TSPAN4: variants seen among roughly 807,000 people sequenced by gnomAD.
TSPAN4 encodes the protein tetraspanin 4.
TSPAN4 carries 38 observed loss-of-function variants against 31.5 expected under a neutral mutation model. The ratio of observed to expected loss-of-function variants is 1.21; its 90% CI spans 0.93 to 1.58. The LOEUF (loss-of-function observed/expected upper bound fraction) is 1.58, where lower values mean the gene tolerates loss of function less well. Ranked by LOEUF, TSPAN4 falls within the 40% of genes most tolerant of loss-of-function variation. The pLI, the probability that TSPAN4 is intolerant of heterozygous loss-of-function variation, is 0.00. For missense variants in TSPAN4, 330 were observed against 317.3 expected (o/e 1.04, Z -0.30); for synonymous variants, 186 against 144.6 (o/e 1.29, Z -2.06).
At chr11:851,382 A>C (rs1368823021) in intron 3 of TSPAN4, among the ~76,000 whole-genome samples, 1 of 152,158 alleles carries the variant, frequency 6.6e-6, no homozygotes, top group Non-Finnish European at 1.5e-5. Context: ...GCTCCTGCCT[A>C]GGCTCTGGGC....
chr11:861,386 G>A (rs1318403657), intron 3 of TSPAN4, among the ~76,000 whole-genome samples: 4 of 152,092 alleles, frequency 2.6e-5, no homozygotes, highest in Non-Finnish European at 5.9e-5. Context: ...AGGCCGAGAC[G>A]GGCTGATCAT....
chr11:865,024 C>T (rs532119830), intron 5 of TSPAN4: 62 of 183,070 alleles, frequency 3.4e-4, no homozygotes, highest in African/African-American at 1.4e-3. Context: ...GACGTGCCCC[C>T]ATCAACAGAC....
chr11:842,947 G>A, intron 1 of TSPAN4, 32 bp downstream of exon 1: 1 of 154,232 alleles, frequency 6.5e-6, no homozygotes, highest in East Asian at 1.9e-4. Context: ...GGGGCGTGCG[G>A]CCAGGGTCCC....
In TSPAN4 at chr11:865,805, C is replaced by T. The variant is rs758472143; in HGVS notation, c.544C>T (p.Pro182Ser). 1.1e-5 allele frequency: 17 copies of T among 1,612,350 alleles called. No individual in the cohort carries two copies. The African/African-American group carries it at 2.1e-4, about 20-fold the overall frequency. The part of the protein sequence containing the change: ...EFSESCGLHA[P>S]GTWWKAPCYE... The stretch of plus-strand genomic sequence containing the variant: ...CAGTGAGAGCTGTGGGCTGCACGCC[C>T]CCGGCACCTGGTGGAAGGCGGTGAG... The change falls in exon 7 of 9, where the codon CCC becomes TCC. Residue 182 changes from proline to serine, a missense_variant. By Grantham distance (74) the Pro-to-Ser change is moderately conservative (BLOSUM62 -1). Coordinates refer to ENST00000397397, the MANE Select transcript of TSPAN4 (RefSeq NM_003271.5).
intron 5 of TSPAN4, 66 bp from the exon 6 acceptor site, chr11:865,447 G>A (rs28423070): frequency 1 from 1,344,154 of 1,349,040 alleles, 669,784 homozygotes; most frequent in East Asian, 1. Context: ...GGGCCGGCGA[G>A]GGGGTCTGGA....
Position 865,587 on chromosome 11 carries a change from CA to C in TSPAN4, c.407del (p.Asn136ThrfsTer59). 1.9e-6 allele frequency: 3 copies of C among 1,612,932 alleles called. No individual in the cohort carries two copies. Among genetic ancestry groups the C allele is most frequent in the Non-Finnish European group, 2.5e-6 (3 of 1,179,900 alleles). ...GCACGCAGGGCAACGTGGGCCTCACCAACGCCTGGAGCATCATCCAGACCGA... is the reference window on the plus strand; with the variant it reads ...GCACGCAGGGCAACGTGGGCCTCACCACGCCTGGAGCATCATCCAGACCGA... ...YGTQGNVGLTNAWSIIQTDFR... is the reference protein window; with the variant it reads ...YGTQGNVGLTXAWSIIQTDFR... On this transcript the variant is annotated frameshift_variant, in exon 6 of 9. Coordinates refer to ENST00000397397, the MANE Select transcript of TSPAN4 (RefSeq NM_003271.5). LOFTEE classifies it high-confidence loss of function.
rs1342697486 is a variant in TSPAN4 at position 848,252 on chromosome 11, G to A, written c.-18+952G>A. Among the ~76,000 whole-genome samples the A allele has an allele frequency of 1.3e-5, 2 of 152,152 alleles. No individual in the cohort carries two copies. Among genetic ancestry groups the A allele is most frequent in the Non-Finnish European group, 2.9e-5 (2 of 68,010 alleles). ...GGTCTCTGCTGGGCCCCGATGCGTGGCCGCCGTTCTGACCCATTCCTGGGG... is the reference window on the plus strand; with the variant it reads ...GGTCTCTGCTGGGCCCCGATGCGTGACCGCCGTTCTGACCCATTCCTGGGG... On this transcript the variant is annotated intron_variant, in intron 2 of 8. Coordinates refer to ENST00000397397, the MANE Select transcript of TSPAN4 (RefSeq NM_003271.5). The surrounding 1 kb of genome is among the most constrained non-coding windows in gnomAD (Gnocchi z 5.7).
Position 866,906 on chromosome 11 carries a change from A to G in TSPAN4, c.*276A>G. The G allele has an allele frequency of 2.3e-6, 1 of 426,290 alleles. No individual in the cohort carries two copies. Among genetic ancestry groups the G allele is most frequent in the Non-Finnish European group, 4.2e-6 (1 of 235,390 alleles). 26.4% of individuals were successfully genotyped at this position (426,290 alleles called of 1,614,324 possible). ...CCTCCAGCACTTTTTATATTTACGT[A>G]TTCTCCAAAGCAGTGTTCACACGGG... On this transcript the variant is annotated 3_prime_UTR_variant, in exon 9 of 9. Transcript: ENST00000397397.
intron 3 of TSPAN4, among the ~76,000 whole-genome samples, chr11:853,140 G>A (rs1847850139): frequency 6.6e-6 from 1 of 152,094 alleles, no homozygotes. Flanking sequence ...TGGGAGTGGG[G>A]TCCCATGCCT....
At position 848,982 on chromosome 11, in the gene TSPAN4, C is replaced by A; in HGVS notation, c.-17-1306C>A. The A allele has an allele frequency of 1.6e-6, 1 of 644,202 alleles. No individual in the cohort carries two copies. The highest frequency in any genetic ancestry group is 2.9e-6 in the Non-Finnish European group (1 of 350,632). 39.9% of individuals were successfully genotyped at this position (644,202 alleles called of 1,614,324 possible). ...TGGGGTGGGGTCTTTTACAGGCTGA[C>A]TTCCAGCCTGGGCTGGAGCAAAATG... is the stretch of plus-strand genomic sequence containing the variant. On this transcript the variant is annotated intron_variant, in intron 2 of 8. Transcript: ENST00000397397. This position sits in a 1 kb window ranked among gnomAD's most constrained non-coding sequence, Gnocchi z 5.7.
chr11:843,362 T>C (rs1057446877), intron 1 of TSPAN4: 1 of 152,064 alleles, frequency 6.6e-6, no homozygotes, highest in African/African-American at 2.4e-5. Context: ...CTCTGCTGGC[T>C]GCTCGCCGTC....
At chr11:845,646 G>A (rs531135190) in intron 1 of TSPAN4, among the ~76,000 whole-genome samples, 2 of 152,126 alleles carry the variant, frequency 1.3e-5, no homozygotes, top group East Asian at 1.9e-4. Flanking sequence ...CCTGGGGGGT[G>A]TGGGAAGGTG....
chr11:866,540 A>G, intron 8 of TSPAN4, 22 bp from the exon 9 acceptor site: 3 of 1,610,888 alleles, frequency 1.9e-6, no homozygotes, highest in Non-Finnish European at 2.5e-6. Flanking sequence ...TGCCATGCCC[A>G]GTCCTCCTCC....
rs1847419226 is a variant in TSPAN4, at chr11:848,054, C to T, written c.-18+754C>T. ...CCCTTGCCTGGCCCACGAGTAGGTG[C>T]TCTGAGCGCTGCCCAGGTCACATGT... On this transcript the variant is annotated intron_variant, in intron 2 of 8. Transcript: ENST00000397397. The surrounding 1 kb of genome is among the most constrained non-coding windows in gnomAD (Gnocchi z 5.7). Among the ~76,000 whole-genome samples the T allele has an allele frequency of 6.6e-6, 1 of 152,206 alleles. No homozygotes were observed. The highest frequency in any genetic ancestry group is 6.5e-5 in the Admixed American group (1 of 15,284).
In TSPAN4 at chr11:866,883, T is replaced by TA; in HGVS notation, c.*253_*254insA. On this transcript the variant is annotated 3_prime_UTR_variant, in exon 9 of 9. Transcript: ENST00000397397. ...ACCCAGGGCAGGGGTGGGAGGGGCCTCCAGCACTTTTTATATTTACGTATT... is the reference window on the plus strand; with the variant it reads ...ACCCAGGGCAGGGGTGGGAGGGGCCTACCAGCACTTTTTATATTTACGTATT... 2.1e-6 allele frequency: 1 copy of TA among 474,962 alleles called. No homozygotes were observed. The highest frequency in any genetic ancestry group is 3.1e-5 in the South Asian group (1 of 32,084). The allele number at this position is 474,962 out of a possible 1,614,324, so 29.4% of individuals were successfully genotyped here. A position where few individuals can be genotyped will look rare whatever the true frequency, so the allele number is the denominator to read the frequency against.
intron 3 of TSPAN4, among the ~76,000 whole-genome samples, chr11:860,323 A>G (rs1421950150): frequency 6.6e-6 from 1 of 152,210 alleles, no homozygotes; most frequent in Admixed American, 6.5e-5. Flanking sequence ...GGGCACCAGC[A>G]GCCATGCTGG....
chr11:847,475 A>T (rs1590222665), intron 2 of TSPAN4, among the ~76,000 whole-genome samples, 175 bp downstream of exon 2: 1 of 151,724 alleles, frequency 6.6e-6, no homozygotes, highest in Non-Finnish European at 1.5e-5. Context: ...GTCCCAGAAC[A>T]CCCCGACTGG....
chr11:854,255 C>A (rs1436145989), intron 3 of TSPAN4, among the ~76,000 whole-genome samples: 1 of 152,218 alleles, frequency 6.6e-6, no homozygotes, highest in African/African-American at 2.4e-5. Context: ...TCTTCACCCG[C>A]AGCACCAGGA....
intron 2 of TSPAN4, 66 bp from the exon 3 acceptor site, chr11:850,222 A>G: frequency 5.9e-6 from 8 of 1,366,170 alleles, no homozygotes; most frequent in Non-Finnish European, 8.1e-6. Flanking sequence ...CAGGCGCGCT[A>G]CACGTCGCCC....
Sources: allele counts gnomAD v4.1 joint callset (sites outside exome capture counted in the v4.1 genomes callset), GRCh38; gene constraint gnomAD v4.1.1; non-coding constraint Gnocchi (gnomAD v3.1); transcripts MANE v1.5; gene names NCBI Gene and HGNC (gene_info 2026-07-23, HGNC 2026-07-21).